CNTLN: variants seen among roughly 807,000 people sequenced by gnomAD.
The protein encoded by CNTLN is centlein, centrosomal protein.
In CNTLN, 212 loss-of-function variants were observed where a neutral mutation model predicts 180.0. That is an observed-to-expected ratio of 1.18 (90% CI 1.05 to 1.32). The LOEUF is 1.32. Among genes scored for constraint, CNTLN ranks in the 40% most tolerant of loss-of-function variants. CNTLN has a pLI of 0.00. For missense variants in CNTLN, 2,095 were observed against 1,610.9 expected (o/e 1.30, Z -5.14); for synonymous variants, 722 against 563.1 (o/e 1.28, Z -3.99).
intron 2 of CNTLN, among the ~76,000 whole-genome samples, chr9:17,193,639 C>T (rs1017325192): frequency 2.6e-5 from 4 of 152,168 alleles, no homozygotes; most frequent in Admixed American, 1.3e-4. Context: ...GCTGCCTTCA[C>T]GGGCTGGCAT....
chr9:17,394,821 A>G lies in CNTLN; in HGVS notation c.2367A>G (p.Glu789=), dbSNP rs779835629. 8.7e-6 allele frequency: 14 copies of G among 1,613,884 alleles called. No homozygotes were observed. Among genetic ancestry groups the G allele is most frequent in the Non-Finnish European group, 1.2e-5 (14 of 1,179,982 alleles). Residue 789 remains glutamate, a synonymous_variant, in exon 15 of 26, where the codon GAA becomes GAG. Coordinates refer to ENST00000380647, the MANE Select transcript of CNTLN (RefSeq NM_017738.4). ...AEANALRNEN[E]ELINPMEKSH... ...CTAATGCATTGAGAAATGAAAATGA[A>G]GAGCTGATCAACCCAATGGAGAAAT... is the stretch of plus-strand genomic sequence containing the variant.
At chr9:17,150,740 C>T (rs1301276060) in intron 2 of CNTLN, among the ~76,000 whole-genome samples, 2 of 152,140 alleles carry the variant, frequency 1.3e-5, no homozygotes, top group Non-Finnish European at 2.9e-5. Context: ...TTACTTTGGG[C>T]AGTATGGCCA....
intron 23 of CNTLN, among the ~76,000 whole-genome samples, chr9:17,472,802 C>G (rs1426506601): frequency 6.6e-6 from 1 of 152,144 alleles, no homozygotes; most frequent in African/African-American, 2.4e-5. Flanking sequence ...TCCAAAATCT[C>G]CATTTCCAGC....
At chr9:17,448,169 C>A in intron 18 of CNTLN, 1 of 207,690 alleles carries the variant, frequency 4.8e-6, no homozygotes, top group South Asian at 9.8e-5. Context: ...TTCCTTAATT[C>A]AGTTACTTCA....
chr9:17,274,496 T>TCTAC (rs1828177336), intron 6 of CNTLN, among the ~76,000 whole-genome samples: 1 of 143,810 alleles, frequency 7.0e-6, no homozygotes, highest in Non-Finnish European at 1.5e-5. Context: ...TATCTATCTA[T>TCTAC]CTATCTATGT....
chr9:17,518,480 C>G, the CNTLN span, among the ~76,000 whole-genome samples: 1 of 152,136 alleles, frequency 6.6e-6, no homozygotes, highest in African/African-American at 2.4e-5. Context: ...ATTTTTACCT[C>G]CTGGCAGAGG....
At chr9:17,279,618 G>A (rs1170237334) in intron 6 of CNTLN, among the ~76,000 whole-genome samples, 1 of 151,810 alleles carries the variant, frequency 6.6e-6, no homozygotes, top group African/African-American at 2.4e-5. Flanking sequence ...GTTTTTGGAA[G>A]GTGTCAGGTT....
At chr9:17,308,116 A>G (rs1416231214) in intron 7 of CNTLN, among the ~76,000 whole-genome samples, 2 of 152,096 alleles carry the variant, frequency 1.3e-5, no homozygotes, top group Non-Finnish European at 2.9e-5. Flanking sequence ...ATCTCATTAA[A>G]TCACAATTAT....
intron 12 of CNTLN, among the ~76,000 whole-genome samples, chr9:17,360,151 A>G (rs917722514): frequency 6.6e-6 from 1 of 152,192 alleles, no homozygotes; most frequent in Non-Finnish European, 1.5e-5. Flanking sequence ...TTCTAAGTTC[A>G]AAATAATTCC....
At chr9:17,485,766 A>G (rs1832858100) in intron 24 of CNTLN, among the ~76,000 whole-genome samples, 1 of 152,162 alleles carries the variant, frequency 6.6e-6, no homozygotes, top group Non-Finnish European at 1.5e-5. Flanking sequence ...TCTGGAACAC[A>G]GAGCCACCAT....
intron 12 of CNTLN, among the ~76,000 whole-genome samples, chr9:17,358,998 T>TTCCTC (rs1240984432): frequency 6.6e-6 from 1 of 151,744 alleles, no homozygotes; most frequent in Non-Finnish European, 1.5e-5. Flanking sequence ...CCAATATTTA[T>TTCCTC]TCCTCTCCTC....
intron 1 of CNTLN, among the ~76,000 whole-genome samples, chr9:17,137,007 A>T (rs539341502): frequency 6.6e-6 from 1 of 152,302 alleles, no homozygotes; most frequent in South Asian, 2.1e-4. Context: ...AAGAGCTAAG[A>T]TACTTTTTTA....
At chr9:17,273,711 G>T (rs1182945893) in intron 5 of CNTLN, 22 bp from the exon 6 acceptor site, 5 of 1,331,512 alleles carry the variant, frequency 3.8e-6, no homozygotes, top group Non-Finnish European at 5.1e-6. Flanking sequence ...TTTGATTATT[G>T]ATATAAGCAC....
chr9:17,359,575 G>C (rs1441366551), intron 12 of CNTLN, among the ~76,000 whole-genome samples: 1 of 151,284 alleles, frequency 6.6e-6, no homozygotes, highest in Non-Finnish European at 1.5e-5. Flanking sequence ...CACTTGAACA[G>C]ATATTTCACA....
intron 23 of CNTLN, among the ~76,000 whole-genome samples, chr9:17,483,739 T>A (rs1459634079): frequency 2.0e-5 from 3 of 152,190 alleles, no homozygotes; most frequent in African/African-American, 7.2e-5. Flanking sequence ...CTTCAATCCT[T>A]CATTGTTGTC....
At chr9:17,305,677 T>G (rs1445561508) in intron 7 of CNTLN, among the ~76,000 whole-genome samples, 1 of 152,160 alleles carries the variant, frequency 6.6e-6, no homozygotes, top group African/African-American at 2.4e-5. Context: ...AAAAACACTT[T>G]AGAAATAAAG....
At position 17,465,966 on chromosome 9, in the gene CNTLN, A is replaced by G; in HGVS notation, c.3532-15A>G. ...GCCTTCAACAATAATAATTACCTTTATGCTTTTAATGTAGGTAAAGACATT... is the reference window on the plus strand; with the variant it reads ...GCCTTCAACAATAATAATTACCTTTGTGCTTTTAATGTAGGTAAAGACATT... On this transcript the variant is annotated splice_polypyrimidine_tract_variant and intron_variant, in intron 21 of 25. Coordinates refer to ENST00000380647, the MANE Select transcript of CNTLN (RefSeq NM_017738.4). The G allele has an allele frequency of 6.3e-7, 1 of 1,587,426 alleles. No individual in the cohort carries two copies. The highest frequency in any genetic ancestry group is 8.6e-7 in the Non-Finnish European group (1 of 1,164,044).
At chr9:17,497,262 C>T (rs992117365) in intron 25 of CNTLN, among the ~76,000 whole-genome samples, 1 of 152,082 alleles carries the variant, frequency 6.6e-6, no homozygotes, top group Admixed American at 6.6e-5. Context: ...GAGCCAGTGA[C>T]AAGGGTTTAG....
intron 13 of CNTLN, among the ~76,000 whole-genome samples, chr9:17,385,619 G>A (rs1825629134): frequency 6.6e-6 from 1 of 151,950 alleles, no homozygotes; most frequent in Admixed American, 6.6e-5. Context: ...TGTATCCACG[G>A]GTTCCACATC....
Sources: gnomAD v4.1 joint callset for allele counts (sites outside exome capture counted in the v4.1 genomes callset) on GRCh38, gnomAD v4.1.1 for gene constraint, MANE v1.5 for transcripts, NCBI Gene and HGNC (gene_info 2026-07-23, HGNC 2026-07-21) for gene names.